The following PRR16 variants were observed in gnomAD, a reference collection of about 807,000 sequenced individuals.
PRR16 encodes proline rich 16, also known as protein Largen.
In PRR16, 6 loss-of-function variants were observed where a neutral mutation model predicts 18.2. The observed-to-expected ratio is 0.33, with a 90% CI of 0.18 to 0.65. The LOEUF is 0.65. Ranked by LOEUF, PRR16 falls within the 30% of genes least tolerant of loss-of-function variation. PRR16 has a pLI of 0.74. For missense variants in PRR16, 412 were observed against 376.6 expected (o/e 1.09, Z -0.78); for synonymous variants, 151 against 147.8 (o/e 1.02, Z -0.16).
chr5:120,606,973 T>C (rs1280543494), intron 1 of PRR16, among the ~76,000 whole-genome samples: 1 of 152,186 alleles, frequency 6.6e-6, no homozygotes, highest in Non-Finnish European at 1.5e-5. Context: ...GCTATAGGCA[T>C]TTAACAATGC....
the PRR16 span, among the ~76,000 whole-genome samples, chr5:120,699,686 A>T: frequency 6.6e-6 from 1 of 152,190 alleles, no homozygotes; most frequent in African/African-American, 2.4e-5. Context: ...GCACGCAGAC[A>T]TGAGGGCTAG....
chr5:120,643,403 G>A (rs1330911699), intron 1 of PRR16, among the ~76,000 whole-genome samples: 1 of 152,082 alleles, frequency 6.6e-6, no homozygotes, highest in Non-Finnish European at 1.5e-5. Flanking sequence ...TAACTGTGAA[G>A]TTTAGCTTAC....
chr5:120,482,412 A>C (rs1325049921), intron 1 of PRR16, among the ~76,000 whole-genome samples: 1 of 152,166 alleles, frequency 6.6e-6, no homozygotes, highest in Non-Finnish European at 1.5e-5. Flanking sequence ...TAATTTGCTA[A>C]AGATTATGGC....
At chr5:120,747,886 G>C in the PRR16 span, among the ~76,000 whole-genome samples, 1 of 151,822 alleles carries the variant, frequency 6.6e-6, no homozygotes, top group East Asian at 1.9e-4. Flanking sequence ...ACAATTATGC[G>C]TACTCTTAGT....
At chr5:120,757,253 T>A in the PRR16 span, among the ~76,000 whole-genome samples, 1 of 152,296 alleles carries the variant, frequency 6.6e-6, no homozygotes, top group South Asian at 2.1e-4. Flanking sequence ...GGTAACATGA[T>A]GCCTCTGGCT....
the PRR16 span, among the ~76,000 whole-genome samples, chr5:120,724,696 A>G: frequency 6.6e-6 from 1 of 151,990 alleles, no homozygotes; most frequent in Non-Finnish European, 1.5e-5. Flanking sequence ...GACCTTTCAG[A>G]TATCTCCCCT....
At chr5:120,725,178 G>C in the PRR16 span, among the ~76,000 whole-genome samples, 1 of 152,026 alleles carries the variant, frequency 6.6e-6, no homozygotes, top group East Asian at 1.9e-4. Context: ...GAGGCTTGGA[G>C]GCTGAAGCAG....
At chr5:120,778,584 CT>C in the PRR16 span, among the ~76,000 whole-genome samples, 2 of 152,128 alleles carry the variant, frequency 1.3e-5, no homozygotes, top group Admixed American at 6.6e-5. Context: ...CTTCAGGGAC[CT>C]TAATAACAGA....
chr5:120,758,078 G>C, the PRR16 span, among the ~76,000 whole-genome samples: 1 of 151,776 alleles, frequency 6.6e-6, no homozygotes, highest in African/African-American at 2.4e-5. Flanking sequence ...TAACTTTATT[G>C]TTAAAACTTT....
the PRR16 span, among the ~76,000 whole-genome samples, chr5:120,703,524 G>A: frequency 1.3e-5 from 2 of 152,168 alleles, no homozygotes; most frequent in Admixed American, 6.5e-5. Context: ...TGTGTTTGAT[G>A]CAATCACTTT....
chr5:120,487,504 T>G (rs1749852438), intron 1 of PRR16, among the ~76,000 whole-genome samples: 2 of 152,218 alleles, frequency 1.3e-5, no homozygotes, highest in African/African-American at 4.8e-5. Context: ...TTTTCTATCC[T>G]GAGACTTTGC....
At chr5:120,511,228 A>G (rs1750815659) in intron 1 of PRR16, among the ~76,000 whole-genome samples, 1 of 152,312 alleles carries the variant, frequency 6.6e-6, no homozygotes, top group African/African-American at 2.4e-5. Flanking sequence ...TCAGTTTAGG[A>G]TGAATGACAT....
At chr5:120,631,489 T>C (rs183904684) in intron 1 of PRR16, among the ~76,000 whole-genome samples, 24 of 152,210 alleles carry the variant, frequency 1.6e-4, no homozygotes, top group Admixed American at 1.4e-3. Flanking sequence ...GGTGTTGTTA[T>C]GGGGGCACAA....
chr5:120,781,151 A>T, the PRR16 span: 2 of 151,996 alleles, frequency 1.3e-5, no homozygotes, highest in Non-Finnish European at 2.9e-5. Context: ...TTTTTTTTTC[A>T]AACTGATGAT....
chr5:120,684,081 T>TA (rs1299488415), intron 1 of PRR16, among the ~76,000 whole-genome samples: 1 of 152,134 alleles, frequency 6.6e-6, no homozygotes, highest in Non-Finnish European at 1.5e-5. Flanking sequence ...ATTTAGGAGC[T>TA]AAAATAGAAG....
chr5:120,776,875 A>T, the PRR16 span, among the ~76,000 whole-genome samples: 1 of 152,104 alleles, frequency 6.6e-6, no homozygotes, highest in Admixed American at 6.6e-5. Flanking sequence ...ATTATTGTTG[A>T]TTAAAGGTTT....
chr5:120,523,961 G>A (rs1434123829), intron 1 of PRR16, among the ~76,000 whole-genome samples: 1 of 152,088 alleles, frequency 6.6e-6, no homozygotes, highest in African/African-American at 2.4e-5. Context: ...AGATCACAAG[G>A]GTCAATGTGG....
chr5:120,644,095 T>G (rs555041385), intron 1 of PRR16, among the ~76,000 whole-genome samples: 1 of 152,176 alleles, frequency 6.6e-6, no homozygotes, highest in East Asian at 1.9e-4. Context: ...GTTCTAAAAC[T>G]GTTCCTTCTC....
At chr5:120,536,750 G>T (rs1036013902) in intron 1 of PRR16, among the ~76,000 whole-genome samples, 2 of 152,166 alleles carry the variant, frequency 1.3e-5, no homozygotes, top group Admixed American at 6.5e-5. Flanking sequence ...CTTTGTTTAA[G>T]ATTTACTTAG....
Sources: allele counts gnomAD v4.1 joint callset (sites outside exome capture counted in the v4.1 genomes callset), GRCh38; gene constraint gnomAD v4.1.1; transcripts MANE v1.5; gene names NCBI Gene and HGNC (gene_info 2026-07-23, HGNC 2026-07-21).